Variants in FAM81B observed in about 807,000 individuals in gnomAD.
FAM81B encodes the protein family with sequence similarity 81 member B.
FAM81B carries 60 observed loss-of-function variants against 58.7 expected under a neutral mutation model. The ratio of observed to expected loss-of-function variants is 1.02; its 90% CI spans 0.83 to 1.27. The LOEUF (loss-of-function observed/expected upper bound fraction) is 1.27, where lower values mean the gene tolerates loss of function less well. Among genes scored for constraint, FAM81B ranks in the 50% most tolerant of loss-of-function variants. FAM81B has a pLI of 0.00. For synonymous variants in FAM81B, 189 were observed against 179.6 expected, an observed-to-expected ratio of 1.05 and a Z score of -0.42; for missense variants, 491 against 522.0, an observed-to-expected ratio of 0.94 and a Z score of 0.58.
intron 1 of FAM81B, among the ~76,000 whole-genome samples, chr5:95,392,547 A>G (rs1242625443): frequency 2.0e-5 from 3 of 152,196 alleles, no homozygotes; most frequent in Non-Finnish European, 2.9e-5. Context: ...TCTGATCCTA[A>G]AAAAGTTTCT....
At chr5:95,430,323 T>C (rs1744818962) in intron 6 of FAM81B, among the ~76,000 whole-genome samples, 1 of 151,712 alleles carries the variant, frequency 6.6e-6, no homozygotes, top group Non-Finnish European at 1.5e-5. Context: ...TATGCCCTTA[T>C]GCAGATATGA....
intron 4 of FAM81B, among the ~76,000 whole-genome samples, chr5:95,418,289 A>G (rs1762587733): frequency 1.3e-5 from 2 of 152,182 alleles, no homozygotes; most frequent in Admixed American, 1.3e-4. Context: ...TTTACTTAAT[A>G]ATTCCCCAAA....
Position 95,428,748 on chromosome 5 carries a change from T to C in FAM81B, c.786+16T>C. On this transcript the variant is annotated intron_variant, in intron 6 of 9. Transcript: ENST00000283357. The stretch of plus-strand genomic sequence containing the variant: ...GGACATGAAGGTAATTGAAAATAGA[T>C]GGGACTCATATTACGTGTTACTGCC... 1 of 1,613,578 alleles carries C rather than the reference T, an allele frequency of 6.2e-7. No homozygotes were observed. The highest frequency in any genetic ancestry group is 8.5e-7 in the Non-Finnish European group (1 of 1,179,542).
At chr5:95,444,907 G>A in intron 7 of FAM81B, among the ~76,000 whole-genome samples, 1 of 152,082 alleles carries the variant, frequency 6.6e-6, no homozygotes, top group Non-Finnish European at 1.5e-5. Context: ...TGCATTGTAA[G>A]ATGTTTAGCA....
chr5:95,450,389 C>G lies in FAM81B; in HGVS notation c.*107C>G. 1.3e-6 allele frequency: 2 copies of G among 1,522,410 alleles called. No homozygotes were observed. Among genetic ancestry groups the G allele is most frequent in the East Asian group, 4.8e-5 (2 of 41,918 alleles). 94.3% of individuals were successfully genotyped at this position (1,522,410 alleles called of 1,614,324 possible). On this transcript the variant is annotated 3_prime_UTR_variant, in exon 10 of 10. Transcript: ENST00000283357. ...GGGATGTTTACTGCTTCTAATGTCT[C>G]CTTTTAAGGAGACGAATGTACCAGA...
chr5:95,425,139 T>A (rs1446136574), intron 5 of FAM81B, among the ~76,000 whole-genome samples: 4 of 145,342 alleles, frequency 2.8e-5, no homozygotes, highest in African/African-American at 1.0e-4. Flanking sequence ...ATAGAACTAA[T>A]AGAAGGCCCT....
At chr5:95,398,808 T>C (rs1762031622) in intron 3 of FAM81B, among the ~76,000 whole-genome samples, 2 of 152,198 alleles carry the variant, frequency 1.3e-5, no homozygotes, top group Admixed American at 1.3e-4. Flanking sequence ...TTTGTCCATA[T>C]GGACATCTAG....
intron 3 of FAM81B, among the ~76,000 whole-genome samples, chr5:95,413,399 T>C (rs1351004041): frequency 1.3e-5 from 2 of 152,170 alleles, no homozygotes; most frequent in East Asian, 3.9e-4. Flanking sequence ...ATTGGTACCA[T>C]TCATGAACTA....
In FAM81B at chr5:95,428,817, G is replaced by A. The variant is rs1762921524; in HGVS notation, c.786+85G>A. The A allele has an allele frequency of 2.5e-6, 4 of 1,572,418 alleles. No individual in the cohort carries two copies. In the Admixed American group the frequency reaches 5.3e-5, roughly 21 times the overall value. On this transcript the variant is annotated intron_variant, in intron 6 of 9. Coordinates refer to ENST00000283357, the MANE Select transcript of FAM81B (RefSeq NM_152548.3). ...GCTTATCAAAATGCCCAATCAGGTGGTAATTTTTTAAGAGAACTCTTTTCT... is the reference window on the plus strand; with the variant it reads ...GCTTATCAAAATGCCCAATCAGGTGATAATTTTTTAAGAGAACTCTTTTCT...
rs774825070 is a variant in FAM81B, at chr5:95,428,708, T to C, written c.762T>C (p.Thr254=). ...AIQEFVPALE[T]LSKNLDMKVM... ...AAGAATTCGTGCCCGCCCTGGAAAC[T>C]CTTTCCAAGAACTTGGACATGAAGG... Residue 254 remains threonine (T), a synonymous_variant, in exon 6 of 10, where the codon ACT becomes ACC. Transcript: ENST00000283357. 1.2e-6 allele frequency: 2 copies of C among 1,613,950 alleles called. No homozygotes were observed. The highest frequency in any genetic ancestry group is 1.7e-6 in the Non-Finnish European group (2 of 1,179,822).
At chr5:95,441,192 T>A (rs1436709930) in intron 7 of FAM81B, among the ~76,000 whole-genome samples, 1 of 152,064 alleles carries the variant, frequency 6.6e-6, no homozygotes, top group Non-Finnish European at 1.5e-5. Flanking sequence ...AGCCTCGGCT[T>A]CCATAGCCAC....
At chr5:95,394,015 T>C (rs1761899392) in intron 2 of FAM81B, among the ~76,000 whole-genome samples, 2 of 152,194 alleles carry the variant, frequency 1.3e-5, no homozygotes, top group Admixed American at 1.3e-4. Flanking sequence ...AAATACTGTC[T>C]TAGATACCTA....
intron 4 of FAM81B, among the ~76,000 whole-genome samples, chr5:95,417,643 G>T (rs1762571311): frequency 6.6e-6 from 1 of 152,106 alleles, no homozygotes; most frequent in South Asian, 2.1e-4. Flanking sequence ...CTGGTAATAT[G>T]GTAGTAAGTG....
chr5:95,438,745 A>C (rs1745198481), intron 7 of FAM81B, among the ~76,000 whole-genome samples: 1 of 151,046 alleles, frequency 6.6e-6, no homozygotes, highest in African/African-American at 2.4e-5. Flanking sequence ...TTATATTTAA[A>C]TTTTCTCCAA....
Position 95,446,617 on chromosome 5 carries a change from A to G in FAM81B, c.949A>G (p.Thr317Ala), listed in dbSNP as rs1582833201. The G allele has an allele frequency of 6.2e-7, 1 of 1,613,128 alleles. No individual in the cohort carries two copies. The highest frequency in any genetic ancestry group is 1.1e-5 in the South Asian group (1 of 90,850). The change falls in exon 8 of 10, where the codon ACA (threonine) becomes GCA (alanine). Residue 317 changes from threonine (T) to alanine (A), a missense_variant. Transcript: ENST00000283357. ...AGAAGTTGAGAATAATAAAAAATGG[A>G]CAGAAAACCAATTTCTCAAATATAG... The part of the protein sequence containing the change: ...YEEVENNKKW[T>A]ENQFLKYRKD...
intron 3 of FAM81B, chr5:95,410,851 G>T (rs1215565724): frequency 5.9e-5 from 9 of 152,266 alleles, no homozygotes; most frequent in African/African-American, 2.2e-4. Context: ...AGGTGACCTA[G>T]AGCTAATCCT....
Position 95,395,716 on chromosome 5 carries a change from G to A in FAM81B, c.229-395G>A, listed in dbSNP as rs189848431. On this transcript the variant is annotated intron_variant, in intron 2 of 9. Coordinates refer to ENST00000283357, the MANE Select transcript of FAM81B (RefSeq NM_152548.3). The stretch of plus-strand genomic sequence containing the variant: ...TGGATAGGCTAGTTTTCTAGTTCGG[G>A]GCTTTGTGTTTGAAAATTAGCTGTT... Among the ~76,000 whole-genome samples, 515 of 152,206 alleles carry A rather than the reference G, an allele frequency of 3.4e-3. 3 individuals carry two copies. Among genetic ancestry groups the A allele is most frequent in the African/African-American group, 0.012 (487 of 41,522 alleles).
chr5:95,450,090 TTTTAAAAAAAAGCTCTAATGCA>T (rs1745742271), intron 9 of FAM81B, 37 bp from the exon 10 acceptor site: 1 of 1,534,210 alleles, frequency 6.5e-7, no homozygotes, highest in Non-Finnish European at 8.7e-7. Context: ...TTAGCAACTT[TTTTAAAAAAAAGCTCTAATGCA>T]TTGTTTAAGT....
rs367657454 is a variant in FAM81B, at chr5:95,408,066, C to T, written c.294-5881C>T. Among the ~76,000 whole-genome samples, 619 of 132,030 alleles carry T rather than the reference C, an allele frequency of 4.7e-3. 4 individuals are homozygous for T. The highest frequency in any genetic ancestry group is 0.013 in the South Asian group (51 of 4,032). 86.6% of individuals were successfully genotyped at this position (132,030 alleles called of 152,430 possible). On this transcript the variant is annotated intron_variant, in intron 3 of 9. Transcript: ENST00000283357. ...GGCTATTCAATATGGCAGTTGGCTT[C>T]CCCCAAAATGAGAGAGAGAGAGAGA...
Sources: gnomAD v4.1 joint callset for allele counts (sites outside exome capture counted in the v4.1 genomes callset) on GRCh38, gnomAD v4.1.1 for gene constraint, MANE v1.5 for transcripts, NCBI Gene and HGNC (gene_info 2026-07-23, HGNC 2026-07-21) for gene names.